The following KIF3A variants were observed in gnomAD, a reference collection of about 807,000 sequenced individuals.
The protein encoded by KIF3A is kinesin-like protein KIF3A.
Under a neutral mutation model 92.6 loss-of-function variants are expected in KIF3A, and 27 were observed. The observed-to-expected ratio is 0.29, with a 90% CI of 0.21 to 0.40. The LOEUF (loss-of-function observed/expected upper bound fraction) is 0.40. Ranked by LOEUF, KIF3A falls within the 10% of genes least tolerant of loss-of-function variation. The pLI, the probability that KIF3A is intolerant of heterozygous loss-of-function variation, is 1.00. For missense variants in KIF3A, 581 were observed against 872.6 expected (o/e 0.67, Z 4.21); for synonymous variants, 250 against 275.4 (o/e 0.91, Z 0.92).
chr5:132,724,831 A>C (rs1357597726), intron 4 of KIF3A, among the ~76,000 whole-genome samples: 1 of 82,496 alleles, frequency 1.2e-5, no homozygotes, highest in Non-Finnish European at 2.5e-5. Flanking sequence ...ATATATATAT[A>C]TATATATATA....
intron 8 of KIF3A, among the ~76,000 whole-genome samples, chr5:132,712,729 A>G (rs563802669): frequency 6.6e-6 from 1 of 152,352 alleles, no homozygotes; most frequent in Admixed American, 6.5e-5. Context: ...TTGCAGGGTC[A>G]TTATAAAAGA....
chr5:132,722,431 T>C (rs1405664776), intron 4 of KIF3A, among the ~76,000 whole-genome samples: 1 of 152,126 alleles, frequency 6.6e-6, no homozygotes, highest in African/African-American at 2.4e-5. Flanking sequence ...TTTTAGAAAT[T>C]TGCGCAAGAG....
At chr5:132,699,902 G>C (rs1032649155) in intron 17 of KIF3A, among the ~76,000 whole-genome samples, 10 of 152,030 alleles carry the variant, frequency 6.6e-5, no homozygotes, top group Non-Finnish European at 1.5e-4. Context: ...AACTAGCTTT[G>C]AAGAGAAAGA....
intron 2 of KIF3A, among the ~76,000 whole-genome samples, chr5:132,729,833 T>C (rs1319442836): frequency 6.7e-6 from 1 of 149,312 alleles, no homozygotes; most frequent in Non-Finnish European, 1.5e-5. Flanking sequence ...CCACTTTAAG[T>C]AGAAAGAAAA....
Position 132,700,198 on chromosome 5 carries a change from T to A in KIF3A, c.2007+18A>T. 7.0e-7 allele frequency: 1 copy of A among 1,438,594 alleles called. No homozygotes were observed. Among genetic ancestry groups the A allele is most frequent in the African/African-American group, 1.4e-5 (1 of 70,142 alleles). 89.1% of individuals were successfully genotyped at this position (1,438,594 alleles called of 1,614,324 possible). A position where few individuals can be genotyped will look rare whatever the true frequency, so the allele number is the denominator to read the frequency against. ...AGTAGTTTTGTGTTTTGTTTTGTTT[T>A]TTTTTAAGTACTCTTACATCTTTCT... On this transcript the variant is annotated intron_variant, in intron 17 of 18. Coordinates refer to ENST00000403231, the MANE Select transcript of KIF3A (RefSeq NM_001300791.2).
At chr5:132,690,588 A>G (rs571760166), downstream of KIF3A, among the ~76,000 whole-genome samples, 6 of 152,228 alleles carry the variant, frequency 3.9e-5, no homozygotes, top group Non-Finnish European at 7.3e-5. Flanking sequence ...TATTTTATCA[A>G]AACATCACGA....
chr5:132,719,266 AC>A (rs1038785526), intron 5 of KIF3A, among the ~76,000 whole-genome samples: 5 of 152,152 alleles, frequency 3.3e-5, no homozygotes, highest in Non-Finnish European at 7.4e-5. Context: ...GTGAAGTTAA[AC>A]AGCCTTTCAC....
intron 4 of KIF3A, among the ~76,000 whole-genome samples, chr5:132,722,291 G>A (rs1424652785): frequency 6.6e-6 from 1 of 152,118 alleles, no homozygotes; most frequent in Non-Finnish European, 1.5e-5. Context: ...ATGTGTGAAA[G>A]TTAAAAAACT....
intron 2 of KIF3A, among the ~76,000 whole-genome samples, chr5:132,728,298 C>T (rs1397868534): frequency 2.6e-5 from 4 of 152,056 alleles, no homozygotes; most frequent in Non-Finnish European, 4.4e-5. Flanking sequence ...AACTCCTGGG[C>T]TCAGGAGAAT....
At chr5:132,718,543 C>G (rs752828143) in intron 5 of KIF3A, among the ~76,000 whole-genome samples, 2 of 152,208 alleles carry the variant, frequency 1.3e-5, no homozygotes, top group African/African-American at 4.8e-5. Context: ...CTCCTGGCCT[C>G]AAGTGATCCA....
downstream of KIF3A, chr5:132,689,599 C>T (rs138745372): frequency 6.6e-6 from 1 of 152,146 alleles, no homozygotes; most frequent in African/African-American, 2.4e-5. Flanking sequence ...AGAAATTTCT[C>T]GAGAATCTTC....
At chr5:132,692,273 G>C (rs576908480), downstream of KIF3A, among the ~76,000 whole-genome samples, 1 of 152,198 alleles carries the variant, frequency 6.6e-6, no homozygotes, top group Admixed American at 6.5e-5. Flanking sequence ...TACTTGAGGG[G>C]AGAGGATGAG....
In KIF3A at chr5:132,729,841, A is replaced by G. The variant is rs142303285; in HGVS notation, c.281-3343T>C. On this transcript the variant is annotated intron_variant, in intron 2 of 18. Transcript: ENST00000403231. ...TCAGCTTCCACTTTAAGTAGAAAGAAAAGAGGAAATTAAGCCCAAAGTAAG... is the reference window on the plus strand; with the variant it reads ...TCAGCTTCCACTTTAAGTAGAAAGAGAAGAGGAAATTAAGCCCAAAGTAAG... 4.1e-3 allele frequency among the ~76,000 whole-genome samples: 626 copies of G among 152,234 alleles called. 5 individuals are homozygous for G. Among genetic ancestry groups the G allele is most frequent in the African/African-American group, 0.013 (552 of 41,552 alleles).
At chr5:132,727,040 G>T (rs1215591531) in intron 2 of KIF3A, among the ~76,000 whole-genome samples, 2 of 152,198 alleles carry the variant, frequency 1.3e-5, no homozygotes, top group African/African-American at 2.4e-5. Flanking sequence ...ACACCTCATA[G>T]AAAGTATCAG....
At chr5:132,723,989 G>C (rs1753915293) in intron 4 of KIF3A, among the ~76,000 whole-genome samples, 1 of 152,176 alleles carries the variant, frequency 6.6e-6, no homozygotes, top group African/African-American at 2.4e-5. Flanking sequence ...AGTGGGTGAA[G>C]GATATGAACA....
At chr5:132,734,759 A>G (rs1754337400) in intron 1 of KIF3A, among the ~76,000 whole-genome samples, 1 of 152,218 alleles carries the variant, frequency 6.6e-6, no homozygotes, top group Non-Finnish European at 1.5e-5. Context: ...GAACCAGTAT[A>G]TTATAGATCA....
intron 11 of KIF3A, among the ~76,000 whole-genome samples, chr5:132,705,189 C>A (rs995815113): frequency 6.6e-6 from 1 of 151,854 alleles, no homozygotes; most frequent in Non-Finnish European, 1.5e-5. Flanking sequence ...CTACTATTCC[C>A]AAACTACTTA....
intron 8 of KIF3A, 76 bp downstream of exon 8, chr5:132,715,681 C>A: frequency 8.9e-7 from 1 of 1,124,550 alleles, no homozygotes; most frequent in South Asian, 1.4e-5. Context: ...TAATAGAGGG[C>A]TTTTGTTAGA....
At chr5:132,735,850 G>C (rs1754373006) in intron 1 of KIF3A, among the ~76,000 whole-genome samples, 1 of 152,200 alleles carries the variant, frequency 6.6e-6, no homozygotes, top group African/African-American at 2.4e-5. Context: ...ACCCACGTCT[G>C]CTTCACTGGG....
Sources: allele counts gnomAD v4.1 joint callset (sites outside exome capture counted in the v4.1 genomes callset), GRCh38; gene constraint gnomAD v4.1.1; transcripts MANE v1.5; gene names NCBI Gene and HGNC (gene_info 2026-07-23, HGNC 2026-07-21).